Variants in PPP3CA observed in about 807,000 individuals in gnomAD.
The protein encoded by PPP3CA is protein phosphatase 3 catalytic subunit alpha.
In PPP3CA, 14 loss-of-function variants were observed where a neutral mutation model predicts 66.5. That is an observed-to-expected ratio of 0.21 (90% CI 0.14 to 0.33). The LOEUF is 0.33. Ranked by LOEUF, PPP3CA falls within the 10% of genes least tolerant of loss-of-function variation. The pLI, the probability that PPP3CA is intolerant of heterozygous loss-of-function variation, is 1.00. For synonymous variants in PPP3CA, 232 were observed against 226.2 expected, an observed-to-expected ratio of 1.03 and a Z score of -0.23; for missense variants, 317 against 639.5, an observed-to-expected ratio of 0.50 and a Z score of 5.44.
At chr4:101,293,140 A>G (rs764252242) in intron 1 of PPP3CA, among the ~76,000 whole-genome samples, 23 of 152,210 alleles carry the variant, frequency 1.5e-4, no homozygotes, top group Admixed American at 2.6e-4. Flanking sequence ...AATGTGGTCA[A>G]TGGGCAAGTG....
chr4:101,179,016 T>C (rs536305725), intron 2 of PPP3CA, among the ~76,000 whole-genome samples: 2 of 152,230 alleles, frequency 1.3e-5, no homozygotes, highest in East Asian at 3.9e-4. Context: ...GGAACCTAAG[T>C]CTATTGGTCA....
chr4:101,281,999 T>C (rs558534038), intron 1 of PPP3CA, among the ~76,000 whole-genome samples: 3 of 152,314 alleles, frequency 2.0e-5, no homozygotes, highest in Admixed American at 6.5e-5. Context: ...TTTCCATATC[T>C]ACAAAAATTG....
intron 1 of PPP3CA, among the ~76,000 whole-genome samples, chr4:101,310,297 A>C (rs1226276747): frequency 6.6e-6 from 1 of 152,198 alleles, no homozygotes; most frequent in African/African-American, 2.4e-5. Flanking sequence ...GATCAACTTG[A>C]CTCACAGATA....
Position 101,101,137 on chromosome 4 carries a change from TTAGC to T in PPP3CA, c.385-1419_385-1416del, listed in dbSNP as rs1422901424. Among the ~76,000 whole-genome samples, 4 of 152,148 alleles carry T rather than the reference TTAGC, an allele frequency of 2.6e-5. No homozygotes were observed. The South Asian group carries it at 8.3e-4, about 31-fold the overall frequency. Reference sequence around the variant, plus strand: ...AATTACCACTTTCTGATTATAGTTATTAGCTAAAGTTCATGTGACTAATGATATT... The same window carrying T: ...AATTACCACTTTCTGATTATAGTTATTAAAGTTCATGTGACTAATGATATT... On this transcript the variant is annotated intron_variant, in intron 3 of 13. Coordinates refer to ENST00000394854, the MANE Select transcript of PPP3CA (RefSeq NM_000944.5).
At chr4:101,251,429 T>C (rs1474763455) in intron 1 of PPP3CA, among the ~76,000 whole-genome samples, 1 of 152,102 alleles carries the variant, frequency 6.6e-6, no homozygotes, top group Non-Finnish European at 1.5e-5. Flanking sequence ...CGCAGTATTC[T>C]TAGTTGCTAA....
At chr4:101,075,033 G>A (rs1470249067) in intron 8 of PPP3CA, among the ~76,000 whole-genome samples, 1 of 152,188 alleles carries the variant, frequency 6.6e-6, no homozygotes, top group African/African-American at 2.4e-5. Context: ...AGCTTGCGCA[G>A]GGGAACTCCC....
chr4:101,321,685 C>T (rs969701130), intron 1 of PPP3CA, among the ~76,000 whole-genome samples: 1 of 152,124 alleles, frequency 6.6e-6, no homozygotes, highest in Non-Finnish European at 1.5e-5. Context: ...GTGAATAAGC[C>T]TCCAAGATGG....
chr4:101,286,228 C>G (rs1727843598), intron 1 of PPP3CA, among the ~76,000 whole-genome samples: 1 of 152,208 alleles, frequency 6.6e-6, no homozygotes, highest in Non-Finnish European at 1.5e-5. Flanking sequence ...TGGCCAGCCA[C>G]TAACCTCCTG....
chr4:101,300,165 G>C (rs1018773772), intron 1 of PPP3CA, among the ~76,000 whole-genome samples: 2 of 152,158 alleles, frequency 1.3e-5, no homozygotes, highest in African/African-American at 4.8e-5. Context: ...CCACAAATCA[G>C]ACAAATAAGC....
intron 1 of PPP3CA, among the ~76,000 whole-genome samples, chr4:101,253,836 C>T (rs1726753749): frequency 6.6e-6 from 1 of 151,922 alleles, no homozygotes; most frequent in Admixed American, 6.6e-5. Flanking sequence ...GAGGCAGCAC[C>T]TCTCTTTTAC....
At chr4:101,252,765 T>G (rs1726718093) in intron 1 of PPP3CA, among the ~76,000 whole-genome samples, 2 of 152,174 alleles carry the variant, frequency 1.3e-5, no homozygotes. Flanking sequence ...CAACTACTTT[T>G]GGGCCTTGCC....
At chr4:101,299,747 AAT>A (rs1728318319) in intron 1 of PPP3CA, among the ~76,000 whole-genome samples, 1 of 152,194 alleles carries the variant, frequency 6.6e-6, no homozygotes, top group South Asian at 2.1e-4. Flanking sequence ...TCAGGAAATG[AAT>A]ATGAGTAAAT....
chr4:101,286,803 C>G (rs1304296485), intron 1 of PPP3CA, among the ~76,000 whole-genome samples: 2 of 152,116 alleles, frequency 1.3e-5, no homozygotes, highest in Non-Finnish European at 2.9e-5. Flanking sequence ...TCAGGAGAAT[C>G]TGAAGGCCTA....
At chr4:101,074,506 G>A (rs561215535) in intron 8 of PPP3CA, among the ~76,000 whole-genome samples, 5 of 152,264 alleles carry the variant, frequency 3.3e-5, no homozygotes, top group Non-Finnish European at 5.9e-5. Context: ...CAGAAGTCAG[G>A]AGACCAAGTC....
At position 101,106,450 on chromosome 4, in the gene PPP3CA, A is replaced by AAGG. The variant is rs1553925316; in HGVS notation, c.384+2503_384+2504insCCT. 2.7e-4 allele frequency among the ~76,000 whole-genome samples: 3 copies of AAGG among 11,094 alleles called. 1 individual carries two copies. The highest frequency in any genetic ancestry group is 5.2e-4 in the Non-Finnish European group (3 of 5,772). 7.3% of individuals were successfully genotyped at this position (11,094 alleles called of 152,430 possible). Reference sequence around the variant, plus strand: ...GAAAGAAAGAAAGAAAGAAAGAAAGAAAGAGAAAAGAAAAGAAAAGAAAAG... The same window carrying AAGG: ...GAAAGAAAGAAAGAAAGAAAGAAAGAAGGAAGAGAAAAGAAAAGAAAAGAAAAG... On this transcript the variant is annotated intron_variant, in intron 3 of 13. Transcript: ENST00000394854.
intron 3 of PPP3CA, among the ~76,000 whole-genome samples, chr4:101,108,508 G>A (rs910942199): frequency 6.6e-6 from 1 of 152,202 alleles, no homozygotes; most frequent in Non-Finnish European, 1.5e-5. Context: ...GCTCACGCCT[G>A]TAATCCCAAC....
At chr4:101,036,671 C>T (rs1412273837) in intron 11 of PPP3CA, among the ~76,000 whole-genome samples, 6 of 152,210 alleles carry the variant, frequency 3.9e-5, no homozygotes, top group Non-Finnish European at 7.3e-5. Flanking sequence ...CTTGGCCTCC[C>T]AAAGTGTTGG....
intron 1 of PPP3CA, among the ~76,000 whole-genome samples, chr4:101,254,318 C>T (rs539529827): frequency 6.8e-4 from 104 of 151,958 alleles, no homozygotes; most frequent in African/African-American, 1.9e-3. Context: ...AGATATAATT[C>T]GTAAGTTCAT....
At chr4:101,318,390 T>G (rs1168548560) in intron 1 of PPP3CA, among the ~76,000 whole-genome samples, 1 of 152,192 alleles carries the variant, frequency 6.6e-6, no homozygotes, top group Non-Finnish European at 1.5e-5. Flanking sequence ...CGTGTATTTT[T>G]CCTTGAATAA....
Sources: allele counts gnomAD v4.1 joint callset (sites outside exome capture counted in the v4.1 genomes callset), GRCh38; gene constraint gnomAD v4.1.1; transcripts MANE v1.5; gene names NCBI Gene and HGNC (gene_info 2026-07-23, HGNC 2026-07-21).